Variants in FHAD1 observed in about 807,000 individuals in gnomAD.
The protein encoded by FHAD1 is forkhead associated phosphopeptide binding domain 1, also known as forkhead-associated domain-containing protein 1.
A neutral mutation model predicts 191.3 loss-of-function variants in FHAD1; 146 were observed. That is an observed-to-expected ratio of 0.76 (90% confidence interval 0.67 to 0.88). The LOEUF is 0.88. Among genes scored for constraint, FHAD1 ranks in the 40% least tolerant of loss-of-function variants. FHAD1 has a pLI of 0.00. For synonymous variants in FHAD1, 616 were observed against 672.3 expected (o/e 0.92, Z 1.29); for missense variants, 1,635 against 1,785.8 (o/e 0.92, Z 1.52).
At chr1:15,395,941 C>G (rs770322578) in intron 33 of FHAD1, among the ~76,000 whole-genome samples, 1 of 152,170 alleles carries the variant, frequency 6.6e-6, no homozygotes, top group Non-Finnish European at 1.5e-5. Context: ...ACATTCAAGT[C>G]AGTAACAGCC....
At chr1:15,331,262 T>A (rs1681251782) in intron 14 of FHAD1, among the ~76,000 whole-genome samples, 1 of 151,694 alleles carries the variant, frequency 6.6e-6, no homozygotes, top group African/African-American at 2.4e-5. Flanking sequence ...TGGGGATAGG[T>A]AATAATGATG....
At chr1:15,383,076 G>A (rs1701287207) in intron 31 of FHAD1, 4 of 471,510 alleles carry the variant, frequency 8.5e-6, no homozygotes, top group African/African-American at 6.0e-5. Flanking sequence ...AGCCGGTCCT[G>A]GGCTCAAATC....
At chr1:15,255,745 G>A (rs1647741108) in intron 2 of FHAD1, among the ~76,000 whole-genome samples, 1 of 152,218 alleles carries the variant, frequency 6.6e-6, no homozygotes, top group Non-Finnish European at 1.5e-5. Context: ...AAGGGAGAAG[G>A]AACAGTGTGT....
chr1:15,263,768 G>A (rs1226368800), intron 2 of FHAD1, among the ~76,000 whole-genome samples: 2 of 152,034 alleles, frequency 1.3e-5, no homozygotes, highest in Non-Finnish European at 2.9e-5. Flanking sequence ...TGATCTGCCC[G>A]CCTCAGCCTC....
At chr1:15,244,510 G>C (rs377236941), upstream of FHAD1, among the ~76,000 whole-genome samples, 8 of 152,252 alleles carry the variant, frequency 5.3e-5, no homozygotes, top group African/African-American at 1.9e-4. This position sits in a 1 kb window ranked among gnomAD's most constrained non-coding sequence, Gnocchi z 5.1. Context: ...AAGCATGGAG[G>C]GGTGGTGGTA....
chr1:15,370,602 T>C (rs1468449911), intron 26 of FHAD1, among the ~76,000 whole-genome samples: 1 of 152,204 alleles, frequency 6.6e-6, no homozygotes. Flanking sequence ...TGTGTCTTGG[T>C]AGCTGTTCCA....
intron 19 of FHAD1, among the ~76,000 whole-genome samples, chr1:15,352,086 A>G (rs1339437124): frequency 6.6e-6 from 1 of 152,216 alleles, no homozygotes; most frequent in Non-Finnish European, 1.5e-5. Context: ...TGTGAAAAGA[A>G]CAAAATAAAA....
downstream of FHAD1, among the ~76,000 whole-genome samples, chr1:15,402,162 C>T (rs926130622): frequency 4.6e-5 from 7 of 152,296 alleles, no homozygotes; most frequent in African/African-American, 1.7e-4. Context: ...TCCATTCAGC[C>T]GGTAGACACT....
At chr1:15,376,857 G>A (rs919805282) in intron 28 of FHAD1, among the ~76,000 whole-genome samples, 5 of 152,094 alleles carry the variant, frequency 3.3e-5, no homozygotes, top group African/African-American at 1.2e-4. Context: ...GAAACATAGC[G>A]AGACCCCATC....
intron 23 of FHAD1, chr1:15,364,196 G>C (rs1037918019): frequency 7.3e-5 from 13 of 178,762 alleles, no homozygotes; most frequent in Admixed American, 3.5e-4. Flanking sequence ...TGCACACACA[G>C]AATATACTAT....
Position 15,371,092 on chromosome 1 carries a change from C to T in FHAD1, c.3447+1590C>T, listed in dbSNP as rs148378600. ...AGGGGCTGCAGCAGGTCCACGTGGCCGTAAGCTCCGTGGGGCAGGGGGTGT... is the reference window on the plus strand; with the variant it reads ...AGGGGCTGCAGCAGGTCCACGTGGCTGTAAGCTCCGTGGGGCAGGGGGTGT... On this transcript the variant is annotated intron_variant, in intron 26 of 33. Transcript: ENST00000688493. Among the ~76,000 whole-genome samples the T allele has an allele frequency of 8.5e-5, 13 of 152,316 alleles. No individual in the cohort carries two copies. The East Asian group carries it at 1.7e-3, about 20-fold the overall frequency.
chr1:15,401,148 G>A (rs902945225), downstream of FHAD1, among the ~76,000 whole-genome samples: 11 of 152,180 alleles, frequency 7.2e-5, no homozygotes, highest in African/African-American at 2.7e-4. Context: ...ACCTCCTGTG[G>A]CTAACTTAAA....
chr1:15,341,394 C>T (rs1686633079), intron 15 of FHAD1, among the ~76,000 whole-genome samples: 1 of 152,134 alleles, frequency 6.6e-6, no homozygotes, highest in African/African-American at 2.4e-5. Context: ...TTTTTTTCCT[C>T]ACACCCACCT....
At position 15,381,992 on chromosome 1, in the gene FHAD1, AG is replaced by A; in HGVS notation, c.4023-33del. 6.5e-7 allele frequency: 1 copy of A among 1,545,098 alleles called. No homozygotes were observed. The highest frequency in any genetic ancestry group is 1.2e-5 in the South Asian group (1 of 83,658). On this transcript the variant is annotated intron_variant, in intron 30 of 33. Coordinates refer to ENST00000688493, the MANE Select transcript of FHAD1 (RefSeq NM_001391957.1). The surrounding 1 kb of genome is among the most constrained non-coding windows in gnomAD (Gnocchi z 4.6). ...ACATTGATGATGATTGGGAAAGATA[AG>A]GGAAAAACAGACGCCATCTCTCCTG...
At chr1:15,293,696 CG>C (rs1321649980) in intron 4 of FHAD1, among the ~76,000 whole-genome samples, 6 of 152,096 alleles carry the variant, frequency 3.9e-5, no homozygotes, top group South Asian at 4.2e-4. Flanking sequence ...CCAGCCTGGG[CG>C]GACAGAGCAA....
At chr1:15,265,373 A>T (rs1405647517) in intron 2 of FHAD1, among the ~76,000 whole-genome samples, 1 of 152,250 alleles carries the variant, frequency 6.6e-6, no homozygotes, top group Non-Finnish European at 1.5e-5. Context: ...TCTCATAATG[A>T]GACAGTTCAG....
At chr1:15,261,341 AG>A (rs1650953842) in intron 2 of FHAD1, among the ~76,000 whole-genome samples, 1 of 152,142 alleles carries the variant, frequency 6.6e-6, no homozygotes. Context: ...AGGGACAAGA[AG>A]CTTCAGGAAA....
In FHAD1 at chr1:15,276,878, T is replaced by C. The variant is rs1271348139; in HGVS notation, c.300+4349T>C. Among the ~76,000 whole-genome samples, 1 of 151,820 alleles carries C rather than the reference T, an allele frequency of 6.6e-6. No homozygotes were observed. The highest frequency in any genetic ancestry group is 1.5e-5 in the Non-Finnish European group (1 of 67,968). On this transcript the variant is annotated intron_variant, in intron 3 of 33. Transcript: ENST00000688493. The surrounding 1 kb of genome is among the most constrained non-coding windows in gnomAD (Gnocchi z 4.7). ...TAGAGTCCACAAAGATGGCACCCCC[T>C]GGAGTTGTGCGAGGCATAACCTACA...
In FHAD1 at chr1:15,312,506, A is replaced by T. The variant is rs1187277841; in HGVS notation, c.1040-551A>T. On this transcript the variant is annotated intron_variant, in intron 7 of 33. Transcript: ENST00000688493. The surrounding 1 kb of genome is among the most constrained non-coding windows in gnomAD (Gnocchi z 4.7). ...GCAAAACTCCATGTCTACAAAAAAT[A>T]CAAAAATTAGCCAGGCATAGTGGCA... Among the ~76,000 whole-genome samples, 3 of 152,156 alleles carry T rather than the reference A, an allele frequency of 2.0e-5. No homozygotes were observed. Among genetic ancestry groups the T allele is most frequent in the Non-Finnish European group, 4.4e-5 (3 of 68,034 alleles).
Sources: allele counts gnomAD v4.1 joint callset (sites outside exome capture counted in the v4.1 genomes callset), GRCh38; gene constraint gnomAD v4.1.1; non-coding constraint Gnocchi (gnomAD v3.1); transcripts MANE v1.5; gene names NCBI Gene and HGNC (gene_info 2026-07-23, HGNC 2026-07-21).